The following FOXP2 variants were observed in gnomAD, a reference collection of about 807,000 sequenced individuals.
FOXP2 encodes forkhead box protein P2.
A neutral mutation model predicts 115.8 loss-of-function variants in FOXP2; 12 were observed. That is an observed-to-expected ratio of 0.10 (90% CI 0.07 to 0.17). FOXP2 has a LOEUF of 0.17. Among genes scored for constraint, FOXP2 ranks in the 10% least tolerant of loss-of-function variants. FOXP2 has a pLI of 1.00. For synonymous variants in FOXP2, 328 were observed against 297.7 expected (o/e 1.10, Z -1.05); for missense variants, 629 against 843.5 (o/e 0.75, Z 3.15).
intron 1 of FOXP2, among the ~76,000 whole-genome samples, chr7:114,091,619 T>A (rs112507556): frequency 8.3e-4 from 126 of 151,992 alleles, no homozygotes; most frequent in African/African-American, 2.8e-3. Flanking sequence ...CTCAATTTCA[T>A]CTTTAATACA....
chr7:114,570,072 C>A (rs1389460141), intron 3 of FOXP2, among the ~76,000 whole-genome samples: 1 of 151,876 alleles, frequency 6.6e-6, no homozygotes, highest in Non-Finnish European at 1.5e-5. Flanking sequence ...CAGACAAAAT[C>A]TTTGAAATGT....
intron 2 of FOXP2, among the ~76,000 whole-genome samples, chr7:114,446,587 C>T (rs1033113438): frequency 3.3e-5 from 5 of 151,422 alleles, no homozygotes; most frequent in African/African-American, 1.2e-4. Context: ...TTAAATATAC[C>T]AATATTATAG....
intron 2 of FOXP2, among the ~76,000 whole-genome samples, chr7:114,469,168 T>A (rs1167195282): frequency 6.6e-6 from 1 of 152,154 alleles, no homozygotes; most frequent in Non-Finnish European, 1.5e-5. Flanking sequence ...TCTTCTTCCA[T>A]TGCCAGTTTT....
At chr7:114,489,090 C>T (rs935775591) in intron 2 of FOXP2, among the ~76,000 whole-genome samples, 11 of 152,080 alleles carry the variant, frequency 7.2e-5, no homozygotes, top group Admixed American at 2.0e-4. Flanking sequence ...AAGTGATAAT[C>T]GATCTTGATT....
upstream of FOXP2, among the ~76,000 whole-genome samples, chr7:114,413,498 T>C (rs1793218461): frequency 6.6e-6 from 1 of 152,130 alleles, no homozygotes; most frequent in Admixed American, 6.6e-5. Flanking sequence ...AATATAAACA[T>C]ACTTTTAATG....
At chr7:114,662,245 T>G (rs1488163010) in intron 14 of FOXP2, 59 bp downstream of exon 14, 5 of 1,606,656 alleles carry the variant, frequency 3.1e-6, no homozygotes, top group Non-Finnish European at 4.3e-6. Context: ...AAGTAAATAC[T>G]TTAAGTTGGG....
chr7:114,634,393 T>C (rs1805099703), intron 6 of FOXP2, among the ~76,000 whole-genome samples: 1 of 152,072 alleles, frequency 6.6e-6, no homozygotes, highest in Admixed American at 6.6e-5. Flanking sequence ...AAAATATATG[T>C]ATATAACAAT....
chr7:114,255,857 C>G (rs1243583756), intron 1 of FOXP2, among the ~76,000 whole-genome samples: 11 of 152,260 alleles, frequency 7.2e-5, no homozygotes, highest in African/African-American at 2.4e-4. Flanking sequence ...GTTGGAAATG[C>G]AGAAATCACC....
intron 1 of FOXP2, among the ~76,000 whole-genome samples, chr7:114,114,253 A>T (rs1225110594): frequency 6.6e-6 from 1 of 150,840 alleles, no homozygotes; most frequent in Non-Finnish European, 1.5e-5. Context: ...GCATATATAC[A>T]TATATGTGTA....
At chr7:114,113,528 T>G (rs2129142558) in intron 1 of FOXP2, among the ~76,000 whole-genome samples, 1 of 152,256 alleles carries the variant, frequency 6.6e-6, no homozygotes, top group Admixed American at 6.5e-5. Context: ...ACTACAGGTG[T>G]GTGCTACCAT....
At chr7:114,157,282 G>C (rs1248785996) in intron 1 of FOXP2, among the ~76,000 whole-genome samples, 1 of 152,080 alleles carries the variant, frequency 6.6e-6, no homozygotes, top group African/African-American at 2.4e-5. Context: ...TAGATTGCAT[G>C]GACAGTTTTT....
intron 3 of FOXP2, among the ~76,000 whole-genome samples, chr7:114,588,333 A>C (rs1563018291): frequency 1.3e-5 from 2 of 151,982 alleles, no homozygotes; most frequent in Non-Finnish European, 2.9e-5. Context: ...ACAAAAACAA[A>C]AAACAAACAA....
chr7:114,253,456 C>T (rs1273481929), intron 1 of FOXP2, among the ~76,000 whole-genome samples: 3 of 152,070 alleles, frequency 2.0e-5, no homozygotes, highest in African/African-American at 7.2e-5. Flanking sequence ...TAAGGACTTG[C>T]TTTATGAATC....
At chr7:114,158,806 T>G (rs1272600540), upstream of FOXP2, among the ~76,000 whole-genome samples, 2 of 152,132 alleles carry the variant, frequency 1.3e-5, no homozygotes, top group East Asian at 3.9e-4. Context: ...CTGTTTTATG[T>G]TGCCTTGGAG....
intron 3 of FOXP2, among the ~76,000 whole-genome samples, chr7:114,563,298 A>G (rs1800844295): frequency 6.6e-6 from 1 of 152,184 alleles, no homozygotes; most frequent in Non-Finnish European, 1.5e-5. Context: ...GTTGAATTCA[A>G]TTCTTACCTT....
intron 1 of FOXP2, among the ~76,000 whole-genome samples, chr7:114,204,963 G>A (rs1055692249): frequency 2.4e-4 from 37 of 151,186 alleles, no homozygotes; most frequent in African/African-American, 6.1e-4. Flanking sequence ...TGGAGTTTTC[G>A]CCCAGATCAG....
chr7:114,279,084 G>A (rs1796264768), intron 1 of FOXP2, among the ~76,000 whole-genome samples: 1 of 152,036 alleles, frequency 6.6e-6, no homozygotes, highest in African/African-American at 2.4e-5. Context: ...AGGAAGCTGT[G>A]GATAGGCAGG....
At chr7:114,099,334 C>T (rs569848896) in intron 1 of FOXP2, among the ~76,000 whole-genome samples, 85 of 152,270 alleles carry the variant, frequency 5.6e-4, no homozygotes, top group South Asian at 2.9e-3. Context: ...TATCATCTCA[C>T]ACCTGTTAGT....
chr7:114,422,710 A>G (rs1279436327), intron 1 of FOXP2, among the ~76,000 whole-genome samples: 1 of 151,702 alleles, frequency 6.6e-6, no homozygotes, highest in African/African-American at 2.4e-5. Flanking sequence ...ACAATTAACT[A>G]TGCTTGTCCA....
Sources: gnomAD v4.1 joint callset for allele counts (sites outside exome capture counted in the v4.1 genomes callset) on GRCh38, gnomAD v4.1.1 for gene constraint, MANE v1.5 for transcripts, NCBI Gene and HGNC (gene_info 2026-07-23, HGNC 2026-07-21) for gene names.